Variants in CNTNAP5 observed in about 807,000 individuals in gnomAD.
The protein encoded by CNTNAP5 is contactin-associated protein-like 5.
In CNTNAP5, 72 loss-of-function variants were observed where a neutral mutation model predicts 150.2. The observed-to-expected ratio is 0.48, with a 90% confidence interval of 0.40 to 0.58. The LOEUF is 0.58. Among genes scored for constraint, CNTNAP5 ranks in the 20% least tolerant of loss-of-function variants. The probability of loss-of-function intolerance (pLI) is 0.00; values close to 1 mark genes in which losing one functional copy is unlikely to be tolerated. For synonymous variants in CNTNAP5, 672 were observed against 619.8 expected (o/e 1.08, Z -1.25); for missense variants, 1,636 against 1,626.2 (o/e 1.01, Z -0.10).
intron 1 of CNTNAP5, among the ~76,000 whole-genome samples, chr2:124,137,146 C>T (rs1027803759): frequency 5.9e-5 from 9 of 152,096 alleles, no homozygotes; most frequent in Non-Finnish European, 1.3e-4. Context: ...ATCACCACCT[C>T]GTACTGCCTA....
At chr2:124,337,548 G>T (rs1689504221) in intron 3 of CNTNAP5, among the ~76,000 whole-genome samples, 1 of 152,054 alleles carries the variant, frequency 6.6e-6, no homozygotes, top group Admixed American at 6.6e-5. Flanking sequence ...ATTAATTTTT[G>T]TATAAGGTGT....
intron 21 of CNTNAP5, among the ~76,000 whole-genome samples, chr2:124,871,462 A>G (rs1313611115): frequency 6.6e-6 from 1 of 152,024 alleles, no homozygotes; most frequent in Non-Finnish European, 1.5e-5. Context: ...TCTCTCCCCA[A>G]CTCTGCATCC....
intron 13 of CNTNAP5, among the ~76,000 whole-genome samples, chr2:124,665,101 C>A (rs1678670884): frequency 6.6e-6 from 1 of 151,480 alleles, no homozygotes; most frequent in African/African-American, 2.4e-5. Context: ...AAACAAAAGG[C>A]AAAAACAGGA....
chr2:124,160,381 A>C (rs934110497), intron 1 of CNTNAP5, among the ~76,000 whole-genome samples: 2 of 152,130 alleles, frequency 1.3e-5, no homozygotes, highest in Admixed American at 1.3e-4. Context: ...AAGAAATACA[A>C]ATCTACAGTG....
chr2:124,535,829 A>G (rs1695218697), intron 10 of CNTNAP5, among the ~76,000 whole-genome samples: 1 of 152,112 alleles, frequency 6.6e-6, no homozygotes, highest in Admixed American at 6.6e-5. Context: ...GTGTCTACTG[A>G]ACTCTCTGGT....
At chr2:124,512,285 A>G (rs1044313333) in intron 8 of CNTNAP5, among the ~76,000 whole-genome samples, 2 of 151,964 alleles carry the variant, frequency 1.3e-5, no homozygotes, top group African/African-American at 4.8e-5. Context: ...ATGTCACCAG[A>G]GGCATCAAAC....
chr2:124,893,347 GCAAA>G (rs1196407345), intron 21 of CNTNAP5, among the ~76,000 whole-genome samples: 2 of 152,136 alleles, frequency 1.3e-5, no homozygotes, highest in Non-Finnish European at 2.9e-5. Flanking sequence ...GAAATATTAT[GCAAA>G]CAGTCTTCAT....
chr2:124,207,840 G>A (rs550076383), intron 1 of CNTNAP5, among the ~76,000 whole-genome samples: 8 of 152,268 alleles, frequency 5.3e-5, no homozygotes, highest in East Asian at 1.9e-4. Context: ...TCATCTGACC[G>A]TGACAGATTT....
intron 13 of CNTNAP5, among the ~76,000 whole-genome samples, chr2:124,742,346 A>G (rs1680512779): frequency 6.6e-6 from 1 of 151,186 alleles, no homozygotes; most frequent in Admixed American, 6.6e-5. Context: ...GAACATTTGA[A>G]AAGAAGACAG....
At chr2:124,610,136 A>G (rs1677349205) in intron 12 of CNTNAP5, among the ~76,000 whole-genome samples, 1 of 152,222 alleles carries the variant, frequency 6.6e-6, no homozygotes, top group South Asian at 2.1e-4. Flanking sequence ...TGGTCTTGAT[A>G]ATGTTTCACT....
chr2:124,880,860 C>T (rs574465581), intron 21 of CNTNAP5, among the ~76,000 whole-genome samples: 160 of 152,032 alleles, frequency 1.1e-3, no homozygotes, highest in Non-Finnish European at 1.8e-3. Context: ...GCTGAGATGA[C>T]CCAGAATGTT....
At chr2:124,592,833 GT>G (rs1696726762) in intron 11 of CNTNAP5, among the ~76,000 whole-genome samples, 1 of 151,660 alleles carries the variant, frequency 6.6e-6, no homozygotes, top group Non-Finnish European at 1.5e-5. Flanking sequence ...TTTTTAACTT[GT>G]AAAAGTATAT....
chr2:124,821,202 C>T (rs181725738), intron 19 of CNTNAP5, among the ~76,000 whole-genome samples: 131 of 152,242 alleles, frequency 8.6e-4, no homozygotes, highest in African/African-American at 2.8e-3. Flanking sequence ...CTTGTGGGCC[C>T]ACTCCACTTA....
intron 1 of CNTNAP5, among the ~76,000 whole-genome samples, chr2:124,090,550 T>A (rs1682789734): frequency 6.6e-6 from 1 of 152,206 alleles, no homozygotes; most frequent in Non-Finnish European, 1.5e-5. Context: ...TATGCTTCCT[T>A]CTTTTATGTT....
rs369944923 is a variant in CNTNAP5 at position 124,407,513 on chromosome 2, A to G, written c.382-9930A>G. 8.5e-5 allele frequency among the ~76,000 whole-genome samples: 13 copies of G among 152,176 alleles called. No homozygotes were observed. The East Asian group carries it at 1.9e-3, about 23-fold the overall frequency. On this transcript the variant is annotated intron_variant, in intron 3 of 23. Transcript: ENST00000682447. Reference sequence around the variant, plus strand: ...CAGTGTATTTAACATGGATAAGCCCAGGGGAGTTGCTAGAGACTCAATAAC... The same window carrying G: ...CAGTGTATTTAACATGGATAAGCCCGGGGGAGTTGCTAGAGACTCAATAAC...
intron 21 of CNTNAP5, among the ~76,000 whole-genome samples, chr2:124,883,389 AC>A (rs1229935589): frequency 6.6e-6 from 1 of 151,894 alleles, no homozygotes; most frequent in Non-Finnish European, 1.5e-5. Context: ...ACAAGAGCTT[AC>A]TTTATATTGG....
intron 5 of CNTNAP5, among the ~76,000 whole-genome samples, chr2:124,435,618 C>T (rs1692512830): frequency 6.6e-6 from 1 of 152,050 alleles, no homozygotes; most frequent in African/African-American, 2.4e-5. Context: ...TTTTTGTCTT[C>T]ACTATAAAAT....
intron 13 of CNTNAP5, among the ~76,000 whole-genome samples, chr2:124,688,587 A>G (rs187054419): frequency 3.5e-4 from 54 of 152,212 alleles, no homozygotes; most frequent in Admixed American, 5.2e-4. Flanking sequence ...TTCAATTAAT[A>G]CAAAAAGGAA....
Position 124,360,040 on chromosome 2 carries a change from A to T in CNTNAP5, c.382-57403A>T, listed in dbSNP as rs1297499245. On this transcript the variant is annotated intron_variant, in intron 3 of 23. Coordinates refer to ENST00000682447, the MANE Select transcript of CNTNAP5 (RefSeq NM_001367498.1). ...ATAGTTAGCTCTTCTTGTTGAATTG[A>T]TCCCTTTACCATTATGTAATGGCCT... Among the ~76,000 whole-genome samples, 27 of 135,142 alleles carry T rather than the reference A, an allele frequency of 2.0e-4. 2 individuals are homozygous for T. In the East Asian group the frequency reaches 5.5e-3, roughly 28 times the overall value. 88.7% of individuals were successfully genotyped at this position (135,142 alleles called of 152,430 possible). A position where few individuals can be genotyped will look rare whatever the true frequency, so the allele number is the denominator to read the frequency against.
Sources: allele counts gnomAD v4.1 joint callset (sites outside exome capture counted in the v4.1 genomes callset), GRCh38; gene constraint gnomAD v4.1.1; transcripts MANE v1.5; gene names NCBI Gene and HGNC (gene_info 2026-07-23, HGNC 2026-07-21).